Variants in AKAP6 observed in about 807,000 individuals in gnomAD.
AKAP6 encodes A-kinase anchor protein 6.
A neutral mutation model predicts 188.5 loss-of-function variants in AKAP6; 58 were observed. The ratio of observed to expected loss-of-function variants is 0.31; its 90% CI spans 0.25 to 0.38. The LOEUF is 0.38. Among genes scored for constraint, AKAP6 ranks in the 10% least tolerant of loss-of-function variants. The pLI is 1.00. For missense variants in AKAP6, 2,710 were observed against 2,740.0 expected (o/e 0.99, Z 0.24); for synonymous variants, 989 against 998.6 (o/e 0.99, Z 0.18).
At chr14:32,445,383 C>CT (rs1203680371) in intron 2 of AKAP6, among the ~76,000 whole-genome samples, 1 of 151,724 alleles carries the variant, frequency 6.6e-6, no homozygotes, top group Admixed American at 6.6e-5. Flanking sequence ...GTTCTTTTCT[C>CT]TTTTTTTGAG....
chr14:32,467,376 T>C (rs746787816), intron 2 of AKAP6, among the ~76,000 whole-genome samples: 45 of 152,136 alleles, frequency 3.0e-4, no homozygotes, highest in Non-Finnish European at 5.1e-4. Flanking sequence ...ATACCTGTTA[T>C]TGCTGGGTGT....
At chr14:32,801,250 C>T (rs1555363955) in intron 12 of AKAP6, among the ~76,000 whole-genome samples, 2 of 151,576 alleles carry the variant, frequency 1.3e-5, no homozygotes, top group Non-Finnish European at 2.9e-5. Flanking sequence ...TTTAAATGAA[C>T]ATTTTATTTC....
At chr14:32,748,884 T>C (rs1216246833) in intron 11 of AKAP6, among the ~76,000 whole-genome samples, 2 of 152,154 alleles carry the variant, frequency 1.3e-5, no homozygotes, top group Admixed American at 6.5e-5. Context: ...TGACCTTCTT[T>C]TGTAAACCCT....
chr14:32,453,698 G>T (rs1392171034), intron 2 of AKAP6, among the ~76,000 whole-genome samples: 1 of 141,898 alleles, frequency 7.0e-6, no homozygotes, highest in Non-Finnish European at 1.5e-5. Flanking sequence ...CCGGGTTCAC[G>T]CCATTCTCCT....
At chr14:32,371,139 T>G (rs1887991790) in intron 1 of AKAP6, among the ~76,000 whole-genome samples, 1 of 152,220 alleles carries the variant, frequency 6.6e-6, no homozygotes, top group South Asian at 2.1e-4. Flanking sequence ...TTTCTGTGAC[T>G]GATAAAACAT....
intron 11 of AKAP6, among the ~76,000 whole-genome samples, chr14:32,752,992 T>C (rs2032197631): frequency 6.6e-6 from 1 of 152,198 alleles, no homozygotes; most frequent in South Asian, 2.1e-4. Context: ...TTGATTATTA[T>C]GAATAATGCA....
At chr14:32,662,321 G>C (rs1259360438) in intron 7 of AKAP6, among the ~76,000 whole-genome samples, 1 of 152,054 alleles carries the variant, frequency 6.6e-6, no homozygotes, top group Non-Finnish European at 1.5e-5. Context: ...CTCAAGCTGT[G>C]AAGTAGCAGA....
intron 2 of AKAP6, among the ~76,000 whole-genome samples, chr14:32,455,376 T>G (rs942609831): frequency 6.6e-5 from 10 of 152,344 alleles, no homozygotes; most frequent in African/African-American, 2.4e-4. Flanking sequence ...TATATATAAA[T>G]AGGCATATAA....
chr14:32,488,551 A>G (rs757251538), intron 2 of AKAP6, among the ~76,000 whole-genome samples: 14 of 152,154 alleles, frequency 9.2e-5, no homozygotes, highest in Admixed American at 2.0e-4. Flanking sequence ...GTTCTGTCTC[A>G]CTGGGGTTCC....
intron 2 of AKAP6, among the ~76,000 whole-genome samples, chr14:32,448,350 G>A (rs982551973): frequency 1.4e-4 from 21 of 152,154 alleles, no homozygotes; most frequent in Middle Eastern, 3.2e-3. Context: ...TTCTGCATCT[G>A]GGTGAGGACC....
intron 2 of AKAP6, among the ~76,000 whole-genome samples, chr14:32,450,327 A>T (rs543264770): frequency 8.4e-4 from 126 of 150,350 alleles, no homozygotes; most frequent in Middle Eastern, 3.5e-3. Flanking sequence ...TGTGTGTGAG[A>T]GAGAGAGAGA....
chr14:32,661,337 A>C (rs952182244), intron 7 of AKAP6, among the ~76,000 whole-genome samples: 3 of 152,084 alleles, frequency 2.0e-5, no homozygotes, highest in South Asian at 2.1e-4. Context: ...TCTCACAATG[A>C]GGCTTCATTG....
intron 7 of AKAP6, among the ~76,000 whole-genome samples, chr14:32,639,586 C>T (rs1887668293): frequency 6.6e-6 from 1 of 152,122 alleles, no homozygotes; most frequent in Non-Finnish European, 1.5e-5. Flanking sequence ...GATTTGTCCC[C>T]TCATGAGGCT....
chr14:32,821,962 C>A lies in AKAP6; in HGVS notation c.4149C>A (p.Leu1383=). The A allele has an allele frequency of 6.2e-7, 1 of 1,613,942 alleles. No individual in the cohort carries two copies. The highest frequency in any genetic ancestry group is 8.5e-7 in the Non-Finnish European group (1 of 1,179,934). ...CTACCAACTCTGAAATGTGCTTGCT[C>A]AATGCAGTGGATGGGTCCCCAAGTA... ...ETTTNSEMCL[L]NAVDGSPSNL... The change falls in exon 13 of 14, where the codon CTC becomes CTA. Residue 1383 remains leucine, a synonymous_variant. Coordinates refer to ENST00000280979, the MANE Select transcript of AKAP6 (RefSeq NM_004274.5).
rs3031402 is a variant in AKAP6, at chr14:32,383,087, ATGTGTGTGTGTG to A, written c.-34-50339_-34-50328del. On this transcript the variant is annotated intron_variant, in intron 1 of 13. Transcript: ENST00000280979. ...GGTTCTAATCAGGAGGGCAGATTTT[ATGTGTGTGTGTG>A]TGTGTGTGTGTGTGTGTGTGTGTGT... 3.1e-3 allele frequency among the ~76,000 whole-genome samples: 443 copies of A among 143,260 alleles called. 2 individuals are homozygous for A. The highest frequency in any genetic ancestry group is 7.4e-3 in the African/African-American group (288 of 39,124). The allele number at this position is 143,260 out of a possible 152,430, so 94.0% of individuals were successfully genotyped here.
rs1196434275 is a variant in AKAP6, at chr14:32,732,581, A to G, written c.3128A>G (p.Glu1043Gly). Residue 1043 changes from glutamate to glycine, a missense_variant, in exon 10 of 14, where the codon GAA becomes GGA. Physicochemically the swap from Glu to Gly is moderately conservative, Grantham distance 98. Around this residue, in one of 2 missense-constraint regions of AKAP6, gnomAD observed 2,473 missense variants for 2,426.1 expected, o/e 1.02. Coordinates refer to ENST00000280979, the MANE Select transcript of AKAP6 (RefSeq NM_004274.5). ...CTTGAAAAAGTGGATTCAATTAATGAAAAATGGGAACTGCTTGGGGTATTT... is the reference window on the plus strand; with the variant it reads ...CTTGAAAAAGTGGATTCAATTAATGGAAAATGGGAACTGCTTGGGGTATTT... Reference protein sequence around the residue: ...DLLEKVDSINEKWELLGKTLG... With the variant: ...DLLEKVDSINGKWELLGKTLG... 3 of 1,613,508 alleles carry G rather than the reference A, an allele frequency of 1.9e-6. No individual in the cohort carries two copies. Among genetic ancestry groups the G allele is most frequent in the Non-Finnish European group, 1.7e-6 (2 of 1,179,720 alleles).
chr14:32,555,591 ACT>A (rs1883653036), intron 4 of AKAP6, among the ~76,000 whole-genome samples: 1 of 151,968 alleles, frequency 6.6e-6, no homozygotes, highest in Non-Finnish European at 1.5e-5. Flanking sequence ...TTAAATAACA[ACT>A]CCCCTTTCCC....
rs538943887 is a variant in AKAP6 at position 32,628,117 on chromosome 14, T to G, written c.2730+27325T>G. 5.3e-5 allele frequency: 8 copies of G among 152,200 alleles called. No individual in the cohort carries two copies. The South Asian group carries it at 1.7e-3, about 32-fold the overall frequency. 9.4% of individuals were successfully genotyped at this position (152,200 alleles called of 1,614,324 possible). On this transcript the variant is annotated intron_variant, in intron 7 of 13. Coordinates refer to ENST00000280979, the MANE Select transcript of AKAP6 (RefSeq NM_004274.5). ...AGAAGTGGTAAGTCAAAGTACTTGA[T>G]TACACAATAATCTTCCACAGAGTGC...
chr14:32,433,513 C>A lies in AKAP6; in HGVS notation c.20C>A (p.Thr7Lys), dbSNP rs757851490. ...TTCTCCATGTTAACCATGAGCGTGA[C>A]ACTTTCCCCCCTGAGGTCACAGGAC... MLTMSV[T>K]LSPLRSQDLD... Residue 7 changes from threonine to lysine, a missense_variant, in exon 2 of 14, where the codon ACA (threonine) becomes AAA (lysine). Physicochemically the swap from Thr to Lys is moderately conservative, Grantham distance 78 (BLOSUM62 -1). Around this residue, in one of 2 missense-constraint regions of AKAP6, gnomAD observed 237 missense variants for 313.9 expected, o/e 0.76. Transcript: ENST00000280979. 3.7e-6 allele frequency: 6 copies of A among 1,614,060 alleles called. No homozygotes were observed. Among genetic ancestry groups the A allele is most frequent in the Non-Finnish European group, 5.1e-6 (6 of 1,179,964 alleles).
Sources: allele counts gnomAD v4.1 joint callset (sites outside exome capture counted in the v4.1 genomes callset), GRCh38; gene constraint gnomAD v4.1.1; regional missense constraint gnomAD v4.1.1; transcripts MANE v1.5; gene names NCBI Gene and HGNC (gene_info 2026-07-23, HGNC 2026-07-21).